Variants in APPL2 observed in about 807,000 individuals in gnomAD.
The protein encoded by APPL2 is adaptor protein, phosphotyrosine interacting with PH domain and leucine zipper 2.
A neutral mutation model predicts 92.7 loss-of-function variants in APPL2; 84 were observed. That is an observed-to-expected ratio of 0.91 (90% CI 0.76 to 1.09). APPL2 has a LOEUF of 1.09. APPL2 is among the 50% of genes least tolerant of loss of function. The pLI is 0.00. For missense variants in APPL2, 736 were observed against 824.5 expected, an observed-to-expected ratio of 0.89 and a Z score of 1.31; for synonymous variants, 291 against 291.0, an observed-to-expected ratio of 1.00 and a Z score of 0.00.
intron 5 of APPL2, among the ~76,000 whole-genome samples, chr12:105,208,507 T>C (rs1054671833): frequency 6.6e-6 from 1 of 152,144 alleles, no homozygotes; most frequent in Non-Finnish European, 1.5e-5. Context: ...GGACAGGTAC[T>C]TTTCATGGAG....
At chr12:105,186,908 T>A (rs1886784375) in intron 17 of APPL2, among the ~76,000 whole-genome samples, 1 of 151,924 alleles carries the variant, frequency 6.6e-6, no homozygotes, top group Non-Finnish European at 1.5e-5. Context: ...CTATTTCAAG[T>A]CCTTGGTCCA....
At chr12:105,210,361 T>C (rs1328555083) in intron 5 of APPL2, among the ~76,000 whole-genome samples, 4 of 152,210 alleles carry the variant, frequency 2.6e-5, no homozygotes, top group African/African-American at 4.8e-5. Context: ...AAAGAGTAAG[T>C]AATATACTGA....
chr12:105,236,042 T>C lies in APPL2; in HGVS notation c.-30A>G, dbSNP rs375012658. On this transcript the variant is annotated 5_prime_UTR_variant, in exon 1 of 21. Transcript: ENST00000258530. Reference sequence around the variant, plus strand: ...CGGCGCGGCTCAGCCGAGGGCTGGGTTGGAAGGACAGAGGGCAGGAGACGC... The same window carrying C: ...CGGCGCGGCTCAGCCGAGGGCTGGGCTGGAAGGACAGAGGGCAGGAGACGC... 1.2e-4 allele frequency: 144 copies of C among 1,231,650 alleles called. No homozygotes were observed. Among genetic ancestry groups the C allele is most frequent in the Non-Finnish European group, 1.4e-4 (139 of 981,448 alleles). The allele number at this position is 1,231,650 out of a possible 1,614,324, so 76.3% of individuals were successfully genotyped here.
intron 17 of APPL2, among the ~76,000 whole-genome samples, chr12:105,182,579 T>C (rs890351963): frequency 1.3e-5 from 2 of 152,262 alleles, no homozygotes; most frequent in African/African-American, 4.8e-5. Flanking sequence ...AATGACTTTC[T>C]TAATCCAGAG....
At chr12:105,222,899 G>A (rs1159300795) in intron 2 of APPL2, among the ~76,000 whole-genome samples, 2 of 152,238 alleles carry the variant, frequency 1.3e-5, no homozygotes, top group Non-Finnish European at 2.9e-5. Context: ...CTTGCGGTCA[G>A]TCTCAGAGGC....
At chr12:105,212,118 C>A (rs76136060) in intron 4 of APPL2, among the ~76,000 whole-genome samples, 64 of 72,332 alleles carry the variant, frequency 8.8e-4, no homozygotes, top group African/African-American at 1.5e-3. Flanking sequence ...GACTCCATCT[C>A]AAAAAAAAAA....
intron 2 of APPL2, among the ~76,000 whole-genome samples, chr12:105,227,249 G>A (rs903359905): frequency 6.6e-6 from 1 of 151,936 alleles, no homozygotes. Context: ...CAATCCTCCC[G>A]TCTTGGTCTC....
In APPL2 at chr12:105,229,689, G is replaced by A. The variant is rs1281106739; in HGVS notation, c.55-466C>T. The A allele has an allele frequency of 3.0e-6, 3 of 986,576 alleles. No homozygotes were observed. In the African/African-American group the frequency reaches 5.2e-5, roughly 17 times the overall value. 61.1% of individuals were successfully genotyped at this position (986,576 alleles called of 1,614,324 possible). A position where few individuals can be genotyped will look rare whatever the true frequency, so the allele number is the denominator to read the frequency against. ...CATCCCAGCAGGAACCAGCAGTCTGGTTTTTTGTAATCTTGGATGTCTTGC... is the reference window on the plus strand; with the variant it reads ...CATCCCAGCAGGAACCAGCAGTCTGATTTTTTGTAATCTTGGATGTCTTGC... On this transcript the variant is annotated intron_variant, in intron 1 of 20. Coordinates refer to ENST00000258530, the MANE Select transcript of APPL2 (RefSeq NM_018171.5).
chr12:105,199,467 CAG>C lies in APPL2; in HGVS notation c.767_768del (p.Ser256CysfsTer2), dbSNP rs750095045. The C allele has an allele frequency of 1.2e-6, 2 of 1,614,148 alleles. No individual in the cohort carries two copies. The highest frequency in any genetic ancestry group is 2.7e-5 in the African/African-American group (2 of 75,038). On this transcript the variant is annotated frameshift_variant, in exon 10 of 21. Coordinates refer to ENST00000258530, the MANE Select transcript of APPL2 (RefSeq NM_018171.5). LOFTEE classifies it high-confidence loss of function. ...TCTGGAGTGTAAACAGATTCATCAA[CAG>C]AAAGTAATTCTTGCTGGGACACCCG... ...KMRVSQQELL[S>X]VDESVYTPDS...
intron 17 of APPL2, among the ~76,000 whole-genome samples, chr12:105,185,304 C>T (rs889658058): frequency 1.8e-4 from 27 of 152,044 alleles, no homozygotes; most frequent in Admixed American, 2.6e-4. Context: ...CACTGGGGTG[C>T]GAAAAAAATT....
chr12:105,207,047 A>T lies in APPL2; in HGVS notation c.621+14T>A. ...CTAGCTTAGGTTTCAGCCCTCAGGG[A>T]GGGACTCCCCTACCTGTCCATGGGC... is the stretch of plus-strand genomic sequence containing the variant. On this transcript the variant is annotated intron_variant, in intron 8 of 20. Coordinates refer to ENST00000258530, the MANE Select transcript of APPL2 (RefSeq NM_018171.5). 3 of 1,610,166 alleles carry T rather than the reference A, an allele frequency of 1.9e-6. No individual in the cohort carries two copies. The highest frequency in any genetic ancestry group is 2.5e-6 in the Non-Finnish European group (3 of 1,178,850).
At chr12:105,178,981 G>C (rs1461375534) in intron 17 of APPL2, among the ~76,000 whole-genome samples, 1 of 152,012 alleles carries the variant, frequency 6.6e-6, no homozygotes, top group Non-Finnish European at 1.5e-5. Context: ...AGGTAACCTA[G>C]ATTTCTCTTT....
chr12:105,207,898 T>C (rs1888873366), intron 7 of APPL2, 73 bp downstream of exon 7: 2 of 1,394,496 alleles, frequency 1.4e-6, no homozygotes, highest in African/African-American at 1.4e-5. Flanking sequence ...TTTCATGCCA[T>C]AAATTCACAA....
At chr12:105,198,043 C>A in intron 10 of APPL2, 90 bp from the exon 11 acceptor site, 1 of 1,297,228 alleles carries the variant, frequency 7.7e-7, no homozygotes, top group South Asian at 1.4e-5. Flanking sequence ...GTACTGGTGG[C>A]ATTTTAGAAA....
intron 14 of APPL2, 122 bp downstream of exon 14, chr12:105,195,139 G>A: frequency 1.1e-6 from 1 of 943,414 alleles, no homozygotes; most frequent in Non-Finnish European, 1.6e-6. Context: ...CATCGTTACT[G>A]CTTCTGTTAA....
At chr12:105,175,477 T>C (rs892287787) in intron 20 of APPL2, among the ~76,000 whole-genome samples, 21 of 152,230 alleles carry the variant, frequency 1.4e-4, no homozygotes, top group Non-Finnish European at 3.1e-4. Flanking sequence ...CATATTAAAT[T>C]GTGCAGATAT....
chr12:105,177,217 G>T lies in APPL2; in HGVS notation c.1671+9C>A, dbSNP rs745577754. Reference sequence around the variant, plus strand: ...TAATCACTAACATGAACCTGTATGCGGTACTTACATTGGCCCTTGATACTT... The same window carrying T: ...TAATCACTAACATGAACCTGTATGCTGTACTTACATTGGCCCTTGATACTT... On this transcript the variant is annotated intron_variant, in intron 18 of 20. Coordinates refer to ENST00000258530, the MANE Select transcript of APPL2 (RefSeq NM_018171.5). 3.1e-6 allele frequency: 5 copies of T among 1,613,470 alleles called. No individual in the cohort carries two copies. Among genetic ancestry groups the T allele is most frequent in the Admixed American group, 1.7e-5 (1 of 60,008 alleles).
At chr12:105,177,493 G>A (rs1885668170) in intron 17 of APPL2, 4 of 549,628 alleles carry the variant, frequency 7.3e-6, no homozygotes, top group South Asian at 2.2e-5. Context: ...GCAAGTAGAA[G>A]ATTTAACTTC....
intron 17 of APPL2, 99 bp downstream of exon 17, chr12:105,188,174 T>G (rs529271842): frequency 7.5e-7 from 1 of 1,340,612 alleles, no homozygotes; most frequent in African/African-American, 1.5e-5. Flanking sequence ...GCAAGAGTAG[T>G]CTCTTCATTC....
Sources: allele counts gnomAD v4.1 joint callset (sites outside exome capture counted in the v4.1 genomes callset), GRCh38; gene constraint gnomAD v4.1.1; transcripts MANE v1.5; gene names NCBI Gene and HGNC (gene_info 2026-07-23, HGNC 2026-07-21).